The following FMN2 variants were observed in gnomAD, a reference collection of about 807,000 sequenced individuals.
The protein encoded by FMN2 is formin-2.
In FMN2, 51 loss-of-function variants were observed where a neutral mutation model predicts 142.3. The ratio of observed to expected loss-of-function variants is 0.36; its 90% CI spans 0.29 to 0.45. FMN2 has a LOEUF of 0.45. Among genes scored for constraint, FMN2 ranks in the 20% least tolerant of loss-of-function variants. The pLI is 1.00. For missense variants in FMN2, 1,936 were observed against 2,122.8 expected, an observed-to-expected ratio of 0.91 and a Z score of 1.73; for synonymous variants, 882 against 869.8, an observed-to-expected ratio of 1.01 and a Z score of -0.25.
intron 6 of FMN2, among the ~76,000 whole-genome samples, chr1:240,212,997 A>G (rs1666752923): frequency 6.6e-6 from 1 of 152,158 alleles, no homozygotes; most frequent in Non-Finnish European, 1.5e-5. Flanking sequence ...GAATACAGAT[A>G]AGGAAGAAGT....
At chr1:240,162,778 CCTT>C (rs1019625966) in intron 2 of FMN2, among the ~76,000 whole-genome samples, 4 of 151,922 alleles carry the variant, frequency 2.6e-5, no homozygotes, top group Non-Finnish European at 5.9e-5. Flanking sequence ...CTTCTTTCTC[CCTT>C]CTTTGGGCTA....
chr1:240,392,435 G>A (rs995277463), intron 14 of FMN2, 76 bp from the exon 15 acceptor site: 26 of 1,146,264 alleles, frequency 2.3e-5, no homozygotes, highest in African/African-American at 3.1e-5. Flanking sequence ...GTTACGTTAT[G>A]TAGGGCAGAT....
chr1:240,167,647 A>T (rs2061239), intron 2 of FMN2, among the ~76,000 whole-genome samples: 26,553 of 152,114 alleles, frequency 0.17, 2,485 homozygotes, highest in Middle Eastern at 0.27. Flanking sequence ...TTTAATGGCT[A>T]TGTTATAGTG....
intron 1 of FMN2, among the ~76,000 whole-genome samples, chr1:240,106,682 A>AT (rs528420629): frequency 2.7e-4 from 40 of 150,266 alleles, no homozygotes; most frequent in African/African-American, 8.8e-4. Flanking sequence ...TTCCAGGAGG[A>AT]TTTTTTTTTC....
At chr1:240,269,389 T>C (rs973345267) in intron 7 of FMN2, among the ~76,000 whole-genome samples, 2 of 152,120 alleles carry the variant, frequency 1.3e-5, no homozygotes, top group Non-Finnish European at 1.5e-5. Flanking sequence ...CTCCATTCTA[T>C]TCCACTGGAC....
chr1:240,228,303 CAAAAA>C (rs577421634), intron 6 of FMN2, among the ~76,000 whole-genome samples: 11 of 47,738 alleles, frequency 2.3e-4, no homozygotes, highest in East Asian at 1.8e-3. Flanking sequence ...AACTCTGTCT[CAAAAA>C]AAAAAAAAAA....
At chr1:240,415,050 T>C (rs1674530564) in intron 15 of FMN2, among the ~76,000 whole-genome samples, 1 of 152,184 alleles carries the variant, frequency 6.6e-6, no homozygotes, top group African/African-American at 2.4e-5. Context: ...TTACATAGCA[T>C]TGACCACAAA....
chr1:240,248,238 T>A (rs10926177), intron 6 of FMN2, among the ~76,000 whole-genome samples: 109,428 of 151,758 alleles, frequency 0.72, 40,710 homozygotes, highest in African/African-American at 0.9. Context: ...CTTAAGGCTT[T>A]TCTCACTTTC....
chr1:240,184,467 C>T (rs1278357429), intron 3 of FMN2, among the ~76,000 whole-genome samples: 4 of 149,460 alleles, frequency 2.7e-5, no homozygotes, highest in Non-Finnish European at 4.4e-5. Flanking sequence ...CTGCCCGCCT[C>T]GGCCTCCCGA....
At chr1:240,356,972 A>T (rs1473664861) in intron 14 of FMN2, among the ~76,000 whole-genome samples, 1 of 152,232 alleles carries the variant, frequency 6.6e-6, no homozygotes, top group East Asian at 1.9e-4. Flanking sequence ...GGTCTTCATA[A>T]CTTAGAGTGG....
intron 2 of FMN2, among the ~76,000 whole-genome samples, chr1:240,137,111 A>G (rs1283323658): frequency 1.3e-5 from 2 of 151,580 alleles, no homozygotes; most frequent in Admixed American, 1.3e-4. Context: ...CTCTATGGCA[A>G]AGTGAAGGAC....
intron 8 of FMN2, among the ~76,000 whole-genome samples, chr1:240,298,024 C>T (rs1670049752): frequency 6.6e-6 from 1 of 152,090 alleles, no homozygotes; most frequent in South Asian, 2.1e-4. Flanking sequence ...TTCCAAAAGG[C>T]CCTACCTTGA....
chr1:240,459,717 TAAAAAAAAAAAAAAAAAAAAAAA>T (rs57065226), intron 16 of FMN2, among the ~76,000 whole-genome samples: 8,882 of 67,258 alleles, frequency 0.13, 597 homozygotes, highest in South Asian at 0.31. Flanking sequence ...ACTCTGTCTC[TAAAAAAAAAAAAAAAAAAAAAAA>T]AAAAAAAAAA....
At chr1:240,460,273 T>C (rs1258232843) in intron 16 of FMN2, among the ~76,000 whole-genome samples, 1 of 152,218 alleles carries the variant, frequency 6.6e-6, no homozygotes, top group Non-Finnish European at 1.5e-5. Flanking sequence ...TCTTCAGTGT[T>C]GTAAAAGATT....
At chr1:240,291,216 G>A (rs1669774812) in intron 7 of FMN2, among the ~76,000 whole-genome samples, 1 of 152,140 alleles carries the variant, frequency 6.6e-6, no homozygotes, top group Non-Finnish European at 1.5e-5. Context: ...ACAAATAAGT[G>A]AATAATCTTT....
intron 4 of FMN2, among the ~76,000 whole-genome samples, chr1:240,202,104 A>G (rs1372230457): frequency 6.6e-6 from 1 of 152,196 alleles, no homozygotes; most frequent in Non-Finnish European, 1.5e-5. Context: ...GTGTGGTTGC[A>G]TCTAATTGGA....
chr1:240,175,184 T>C (rs971012124), intron 2 of FMN2, among the ~76,000 whole-genome samples: 14 of 152,234 alleles, frequency 9.2e-5, no homozygotes, highest in African/African-American at 3.4e-4. Context: ...GGCTAAATAA[T>C]TTCCCAGTTT....
rs200711102 is a variant in FMN2 at position 240,415,532 on chromosome 1, A to AT, written c.4911-22529_4911-22528insT. On this transcript the variant is annotated intron_variant, in intron 15 of 17. Coordinates refer to ENST00000319653, the MANE Select transcript of FMN2 (RefSeq NM_020066.5). ...GTACCCCAGAACTTTAAGTATAATAAAAAAAAAAAAAATTGAAGTCTCCAC... is the reference window on the plus strand; with the variant it reads ...GTACCCCAGAACTTTAAGTATAATAATAAAAAAAAAAAATTGAAGTCTCCAC... Among the ~76,000 whole-genome samples, 54 of 86,506 alleles carry AT rather than the reference A, an allele frequency of 6.2e-4. No individual in the cohort carries two copies. The East Asian group carries it at 8.1e-3, about 13-fold the overall frequency. 56.8% of individuals were successfully genotyped at this position (86,506 alleles called of 152,430 possible).
At chr1:240,413,195 C>T (rs1314904135) in intron 15 of FMN2, among the ~76,000 whole-genome samples, 4 of 147,146 alleles carry the variant, frequency 2.7e-5, no homozygotes, top group Non-Finnish European at 4.5e-5. Context: ...GTATAAATGT[C>T]CTTGACCCCA....
Sources: allele counts gnomAD v4.1 joint callset (sites outside exome capture counted in the v4.1 genomes callset), GRCh38; gene constraint gnomAD v4.1.1; transcripts MANE v1.5; gene names NCBI Gene and HGNC (gene_info 2026-07-23, HGNC 2026-07-21).